RBAK: variants seen among roughly 807,000 people sequenced by gnomAD.
The protein encoded by RBAK is RB associated KRAB zinc finger, also known as RB-associated KRAB zinc finger protein.
RBAK carries 39 observed loss-of-function variants against 65.8 expected under a neutral mutation model. The ratio of observed to expected loss-of-function variants is 0.59; its 90% CI spans 0.46 to 0.77. RBAK has a LOEUF of 0.77. Ranked by LOEUF, RBAK falls within the 30% of genes least tolerant of loss-of-function variation. RBAK has a pLI of 0.00. For synonymous variants in RBAK, 343 were observed against 289.7 expected, an observed-to-expected ratio of 1.18 and a Z score of -1.87; for missense variants, 884 against 855.1, an observed-to-expected ratio of 1.03 and a Z score of -0.42.
At position 5,064,948 on chromosome 7, in the gene RBAK, C is replaced by A. The variant is rs749357079; in HGVS notation, c.1492C>A (p.Leu498Ile). 1 of 1,614,068 alleles carries A rather than the reference C, an allele frequency of 6.2e-7. No homozygotes were observed. Among genetic ancestry groups the A allele is most frequent in the Non-Finnish European group, 8.5e-7 (1 of 1,179,966 alleles). The change falls in exon 5 of 5, where the codon CTC (leucine) becomes ATC (isoleucine). Residue 498 changes from leucine (L) to isoleucine (I), a missense_variant. Coordinates refer to ENST00000396912, the MANE Select transcript of RBAK (RefSeq NM_021163.4). The surrounding 1 kb of genome is among the most constrained non-coding windows in gnomAD (Gnocchi z 6.3). ...SECGKFSQLY[L>I]TDHHTAHLEE... ...ATGTGGAAAGTTCTCTCAGTTGTAT[C>A]TCACCGACCATCATACAGCTCATTT...
At position 5,063,477 on chromosome 7, in the gene RBAK, C is replaced by CTGTGTGTGTGTGTGTG. The variant is rs71535175; in HGVS notation, c.239-196_239-181dup. Among the ~76,000 whole-genome samples, 124 of 147,292 alleles carry CTGTGTGTGTGTGTGTG rather than the reference C, an allele frequency of 8.4e-4. 2 individuals carry two copies. In the East Asian group the frequency reaches 0.011, roughly 13 times the overall value. ...CCACTGTCTCACCTTAATTCTTTCA[C>CTGTGTGTGTGTGTGTG]TGTGTGTGTGTGTGTGTGTGTGTGT... On this transcript the variant is annotated intron_variant, in intron 4 of 4. Coordinates refer to ENST00000396912, the MANE Select transcript of RBAK (RefSeq NM_021163.4).
intron 4 of RBAK, 140 bp downstream of exon 4, chr7:5,057,919 A>G (rs1778969177): frequency 3.6e-6 from 3 of 828,354 alleles, no homozygotes; most frequent in Non-Finnish European, 3.8e-6. Context: ...GCACACATAC[A>G]TGAACTCTTT....
rs1399737063 is a variant in RBAK at position 5,065,216 on chromosome 7, G to A, written c.1760G>A (p.Arg587Lys). The change falls in exon 5 of 5, where the codon AGA becomes AAA. Residue 587 changes from arginine (R) to lysine (K), a missense_variant. By Grantham distance (26) the Arg-to-Lys change is conservative. Transcript: ENST00000396912. The surrounding 1 kb of genome is among the most constrained non-coding windows in gnomAD (Gnocchi z 5.3). ...SHNSSLFRHQ[R>K]VHTGEKPYEC... ...AATTCATCCCTCTTCAGACATCAAA[G>A]AGTACACACAGGCGAGAAACCCTAT... 6 of 1,613,562 alleles carry A rather than the reference G, an allele frequency of 3.7e-6. No homozygotes were observed. The highest frequency in any genetic ancestry group is 5.1e-6 in the Non-Finnish European group (6 of 1,179,854).
At chr7:5,063,106 T>C (rs1779117221) in intron 4 of RBAK, among the ~76,000 whole-genome samples, 1 of 152,188 alleles carries the variant, frequency 6.6e-6, no homozygotes, top group African/African-American at 2.4e-5. Flanking sequence ...GGGGAAGTGA[T>C]AAGTGTCCGT....
At position 5,046,151 on chromosome 7, in the gene RBAK, C is replaced by T. The variant is rs1357426165; in HGVS notation, c.-290C>T. 9 of 407,554 alleles carry T rather than the reference C, an allele frequency of 2.2e-5. No individual in the cohort carries two copies. Among genetic ancestry groups the T allele is most frequent in the Admixed American group, 1.1e-4 (4 of 36,920 alleles). The allele number at this position is 407,554 out of a possible 1,614,324, so 25.2% of individuals were successfully genotyped here. ...AGGGGCGGCGGGACGCGGGCCTGGC[C>T]CGTGTGTGTCCTGGCGGCCTGGCCC... On this transcript the variant is annotated 5_prime_UTR_variant, in exon 1 of 5. Transcript: ENST00000396912.
chr7:5,058,552 T>A (rs1461825817), intron 4 of RBAK, among the ~76,000 whole-genome samples: 2 of 152,238 alleles, frequency 1.3e-5, no homozygotes, highest in Non-Finnish European at 2.9e-5. Context: ...AACCTCATCC[T>A]CCACCTATGC....
rs990185327 is a variant in RBAK at position 5,048,988 on chromosome 7, C to T, written c.15+897C>T. Among the ~76,000 whole-genome samples, 1 of 152,214 alleles carries T rather than the reference C, an allele frequency of 6.6e-6. No homozygotes were observed. The highest frequency in any genetic ancestry group is 1.5e-5 in the Non-Finnish European group (1 of 68,038). ...ACCTCCCACCAGGCCCCACCTCCAA[C>T]ATTGGGGATTACAATTGAACATGAG... On this transcript the variant is annotated intron_variant, in intron 2 of 4. Transcript: ENST00000396912. The surrounding 1 kb of genome is among the most constrained non-coding windows in gnomAD (Gnocchi z 4.4).
At chr7:5,046,946 C>G (rs1276192832) in intron 1 of RBAK, among the ~76,000 whole-genome samples, 1 of 152,104 alleles carries the variant, frequency 6.6e-6, no homozygotes, top group Non-Finnish European at 1.5e-5. Flanking sequence ...CTCCCGTATC[C>G]TAGTTTTCTT....
intron 2 of RBAK, among the ~76,000 whole-genome samples, chr7:5,054,938 T>A (rs1225522600): frequency 1.5e-4 from 23 of 150,460 alleles, no homozygotes; most frequent in African/African-American, 5.3e-4. Flanking sequence ...ATACAACTAA[T>A]TTTTTTTGTT....
At chr7:5,050,428 C>G (rs1239084579) in intron 2 of RBAK, among the ~76,000 whole-genome samples, 1 of 152,118 alleles carries the variant, frequency 6.6e-6, no homozygotes, top group Non-Finnish European at 1.5e-5. Flanking sequence ...TGGCATTTGT[C>G]TACTTCTGGA....
chr7:5,049,071 A>G (rs1260104887), intron 2 of RBAK, among the ~76,000 whole-genome samples: 1 of 152,240 alleles, frequency 6.6e-6, no homozygotes, highest in Non-Finnish European at 1.5e-5. Flanking sequence ...ATTTGCATTC[A>G]TTATAAGGAG....
chr7:5,054,261 C>T (rs1788176133), intron 2 of RBAK, among the ~76,000 whole-genome samples: 2 of 151,990 alleles, frequency 1.3e-5, no homozygotes, highest in Admixed American at 1.3e-4. Flanking sequence ...AAAAATTAGC[C>T]AGGCATGCTG....
chr7:5,060,646 G>A (rs1779047710), intron 4 of RBAK, among the ~76,000 whole-genome samples: 1 of 152,252 alleles, frequency 6.6e-6, no homozygotes, highest in African/African-American at 2.4e-5. Flanking sequence ...AATTGAATGA[G>A]GAAGATCACG....
intron 2 of RBAK, among the ~76,000 whole-genome samples, chr7:5,049,461 A>G (rs1788067388): frequency 6.6e-6 from 1 of 152,142 alleles, no homozygotes; most frequent in African/African-American, 2.4e-5. Context: ...TTCTCATTTC[A>G]GTTCTCAGTG....
rs567583572 is a variant in RBAK at position 5,066,234 on chromosome 7, T to C, written c.*633T>C. 13 of 152,720 alleles carry C rather than the reference T, an allele frequency of 8.5e-5. No individual in the cohort carries two copies. The highest frequency in any genetic ancestry group is 6.2e-4 in the South Asian group (3 of 4,832). The allele number at this position is 152,720 out of a possible 1,614,324, so 9.5% of individuals were successfully genotyped here. ...GCAAAATGTATTAAGACAGGACATA[T>C]TGTTGGTGAGATAATATTTAATAGG... On this transcript the variant is annotated 3_prime_UTR_variant, in exon 5 of 5. Transcript: ENST00000396912.
rs1779053943 is a variant in RBAK at position 5,060,946 on chromosome 7, A to G, written c.239-2749A>G. Among the ~76,000 whole-genome samples, 4 of 152,204 alleles carry G rather than the reference A, an allele frequency of 2.6e-5. 1 individual carries two copies. The South Asian group carries it at 8.3e-4, about 31-fold the overall frequency. The stretch of plus-strand genomic sequence containing the variant: ...GTAAGATACATAAAAATAAAAGTAC[A>G]TCATAGGGGCAGCTTTAGGAATCTG... On this transcript the variant is annotated intron_variant, in intron 4 of 4. Transcript: ENST00000396912.
In RBAK at chr7:5,064,623, T is replaced by G; in HGVS notation, c.1167T>G (p.Ser389Arg). 6.2e-7 allele frequency: 1 copy of G among 1,613,804 alleles called. No individual in the cohort carries two copies. The highest frequency in any genetic ancestry group is 8.5e-7 in the Non-Finnish European group (1 of 1,179,798). ...GKSFSRKSAL[S>R]DHQRTHTGEK... ...CCTTCTCCCGCAAGTCTGCTCTCAG[T>G]GACCATCAGAGAACTCACACGGGAG... The change falls in exon 5 of 5, where the codon AGT (serine) becomes AGG (arginine). Residue 389 changes from serine (S) to arginine (R), a missense_variant. Ser to Arg is a moderately radical substitution (Grantham distance 110). Coordinates refer to ENST00000396912, the MANE Select transcript of RBAK (RefSeq NM_021163.4). This position sits in a 1 kb window ranked among gnomAD's most constrained non-coding sequence, Gnocchi z 6.3.
In RBAK at chr7:5,065,135, G is replaced by A. The variant is rs142569406; in HGVS notation, c.1679G>A (p.Ser560Asn). 37 of 1,613,676 alleles carry A rather than the reference G, an allele frequency of 2.3e-5. No homozygotes were observed. Among genetic ancestry groups the A allele is most frequent in the Non-Finnish European group, 2.7e-5 (32 of 1,179,914 alleles). Residue 560 changes from serine (S) to asparagine (N), a missense_variant, in exon 5 of 5, where the codon AGT becomes AAT. By Grantham distance (46) the Ser-to-Asn change is conservative. Transcript: ENST00000396912. The surrounding 1 kb of genome is among the most constrained non-coding windows in gnomAD (Gnocchi z 5.3). ...TCATACTATACTGAACATTATAGAA[G>A]TCATTCAGAAGAGAAACCTTATGGA... ...ELSYYTEHYR[S>N]HSEEKPYGCS...
At chr7:5,055,503 G>A (rs573005420) in intron 2 of RBAK, among the ~76,000 whole-genome samples, 24 of 151,786 alleles carry the variant, frequency 1.6e-4, no homozygotes, top group Admixed American at 9.8e-4. Flanking sequence ...GTATCTTCAC[G>A]GATACAAGAT....
Sources: gnomAD v4.1 joint callset for allele counts (sites outside exome capture counted in the v4.1 genomes callset) on GRCh38, gnomAD v4.1.1 for gene constraint, Gnocchi (gnomAD v3.1) non-coding constraint, MANE v1.5 for transcripts, NCBI Gene and HGNC (gene_info 2026-07-23, HGNC 2026-07-21) for gene names.